ABHD2: variants seen among roughly 807,000 people sequenced by gnomAD.
ABHD2 encodes the protein monoacylglycerol lipase ABHD2.
A neutral mutation model predicts 48.1 loss-of-function variants in ABHD2; 20 were observed. The observed-to-expected ratio is 0.42, with a 90% CI of 0.29 to 0.60. The LOEUF (loss-of-function observed/expected upper bound fraction) is 0.60, where lower values mean the gene tolerates loss of function less well. Ranked by LOEUF, ABHD2 falls within the 20% of genes least tolerant of loss-of-function variation. ABHD2 has a pLI of 0.24. For missense variants in ABHD2, 405 were observed against 550.9 expected (o/e 0.74, Z 2.65); for synonymous variants, 209 against 214.2 (o/e 0.98, Z 0.21).
Position 89,185,611 on chromosome 15 carries a change from GAAA to G in ABHD2, c.815+104_815+106del. On this transcript the variant is annotated intron_variant, in intron 7 of 10. Transcript: ENST00000352732. The surrounding 1 kb of genome is among the most constrained non-coding windows in gnomAD (Gnocchi z 5.9). ...AGCCAGGACTCCTGTTCCTTCAGGG[GAAA>G]AAAAAAAATGCAGGTGTGGTACAGA... 2.4e-6 allele frequency: 2 copies of G among 842,178 alleles called. No individual in the cohort carries two copies. 52.2% of individuals were successfully genotyped at this position (842,178 alleles called of 1,614,324 possible). A position where few individuals can be genotyped will look rare whatever the true frequency, so the allele number is the denominator to read the frequency against.
At position 89,177,317 on chromosome 15, in the gene ABHD2, C is replaced by A. The variant is rs1321278412; in HGVS notation, c.722+1322C>A. On this transcript the variant is annotated intron_variant, in intron 6 of 10. Transcript: ENST00000352732. This position sits in a 1 kb window ranked among gnomAD's most constrained non-coding sequence, Gnocchi z 5.6. ...TGTTCATTTTCATTATCGTCATCAT[C>A]GTCATTCACTGTAAAATGAAGGAGG... is the stretch of plus-strand genomic sequence containing the variant. 1.3e-5 allele frequency among the ~76,000 whole-genome samples: 2 copies of A among 152,148 alleles called. No homozygotes were observed. The highest frequency in any genetic ancestry group is 4.8e-5 in the African/African-American group (2 of 41,438).
intron 1 of ABHD2, among the ~76,000 whole-genome samples, chr15:89,096,126 C>G (rs1056882931): frequency 6.6e-6 from 1 of 152,192 alleles, no homozygotes; most frequent in African/African-American, 2.4e-5. Flanking sequence ...CTGTACCTGT[C>G]AGTGTAGGCT....
At position 89,179,185 on chromosome 15, in the gene ABHD2, G is replaced by C. The variant is rs577376727; in HGVS notation, c.722+3190G>C. 6.6e-6 allele frequency among the ~76,000 whole-genome samples: 1 copy of C among 152,346 alleles called. No homozygotes were observed. Among genetic ancestry groups the C allele is most frequent in the African/African-American group, 2.4e-5 (1 of 41,590 alleles). ...GAAGGAGGTGAGGGTGAGGAGGACA[G>C]TAGCACAGGGCCCAGGCCAGGGGCA... On this transcript the variant is annotated intron_variant, in intron 6 of 10. Transcript: ENST00000352732. The surrounding 1 kb of genome is among the most constrained non-coding windows in gnomAD (Gnocchi z 4.3).
chr15:89,157,316 A>C (rs2050690373), intron 5 of ABHD2, among the ~76,000 whole-genome samples: 2 of 152,224 alleles, frequency 1.3e-5, no homozygotes, highest in Non-Finnish European at 1.5e-5. Flanking sequence ...ATTGACCTCC[A>C]GCAAGGTCAT....
chr15:89,192,253 C>T (rs76212371), intron 9 of ABHD2, among the ~76,000 whole-genome samples: 2 of 152,132 alleles, frequency 1.3e-5, no homozygotes, highest in African/African-American at 4.8e-5. Flanking sequence ...TTTTTGATGT[C>T]GTCATTTAAG....
chr15:89,160,132 T>C (rs1037685045), intron 5 of ABHD2, among the ~76,000 whole-genome samples: 2 of 152,174 alleles, frequency 1.3e-5, no homozygotes, highest in South Asian at 4.1e-4. Flanking sequence ...TAAAATAAAG[T>C]TTTTAATAAA....
the ABHD2 span, among the ~76,000 whole-genome samples, chr15:89,067,515 T>C: frequency 6.6e-6 from 1 of 152,182 alleles, no homozygotes; most frequent in African/African-American, 2.4e-5. Flanking sequence ...TTTTATGCCC[T>C]GGGCTTAGAT....
chr15:89,077,245 A>G, the ABHD2 span, among the ~76,000 whole-genome samples: 1 of 152,212 alleles, frequency 6.6e-6, no homozygotes, highest in African/African-American at 2.4e-5. Context: ...ATAAAATCAT[A>G]GCATACATTT....
the ABHD2 span, among the ~76,000 whole-genome samples, chr15:89,077,206 T>C: frequency 1.3e-5 from 2 of 152,192 alleles, no homozygotes; most frequent in African/African-American, 4.8e-5. Flanking sequence ...ACCACAGCCA[T>C]GTGTTACCTC....
At position 89,195,095 on chromosome 15, in the gene ABHD2, G is replaced by T. The variant is rs140732122; in HGVS notation, c.1082-132G>T. On this transcript the variant is annotated intron_variant, in intron 10 of 10. Transcript: ENST00000352732. The surrounding 1 kb of genome is among the most constrained non-coding windows in gnomAD (Gnocchi z 5.1). ...CCCTCTTTGGTGAACAAGGCAGAGT[G>T]AGTAGAGGTTGGATGCCCACTTAGG... The T allele has an allele frequency of 2.7e-5, 25 of 940,118 alleles. No homozygotes were observed. In the African/African-American group the frequency reaches 3.0e-4, roughly 11 times the overall value. The allele number at this position is 940,118 out of a possible 1,614,324, so 58.2% of individuals were successfully genotyped here.
chr15:89,060,085 T>A, the ABHD2 span, among the ~76,000 whole-genome samples: 11 of 16,518 alleles, frequency 6.7e-4, no homozygotes, highest in Non-Finnish European at 1.3e-3. Context: ...TCCAAGGCCT[T>A]TTTTTTTTTT....
In ABHD2 at chr15:89,189,121, C is replaced by T. The variant is rs2051262352; in HGVS notation, c.926+818C>T. Among the ~76,000 whole-genome samples the T allele has an allele frequency of 1.1e-4, 16 of 152,118 alleles. No homozygotes were observed. Among genetic ancestry groups the T allele is most frequent in the Admixed American group, 1.0e-3 (16 of 15,274 alleles). ...CCAGTAGTTTCTGATTGAGGTTAGC[C>T]TCAGCTGAAAAAGGAAAAGTTGACC... On this transcript the variant is annotated intron_variant, in intron 8 of 10. Transcript: ENST00000352732. This position sits in a 1 kb window ranked among gnomAD's most constrained non-coding sequence, Gnocchi z 4.9.
At chr15:89,192,597 A>C (rs923613637) in intron 9 of ABHD2, among the ~76,000 whole-genome samples, 1 of 151,968 alleles carries the variant, frequency 6.6e-6, no homozygotes, top group African/African-American at 2.4e-5. Context: ...ACAGCTCTGA[A>C]ATCCTGGCCT....
intron 5 of ABHD2, among the ~76,000 whole-genome samples, chr15:89,163,011 G>A (rs1321112649): frequency 6.6e-6 from 1 of 152,138 alleles, no homozygotes; most frequent in Non-Finnish European, 1.5e-5. Flanking sequence ...CCAAACCATT[G>A]TGCCCTATAT....
the ABHD2 span, among the ~76,000 whole-genome samples, chr15:89,074,189 C>G: frequency 6.6e-6 from 1 of 152,134 alleles, no homozygotes; most frequent in African/African-American, 2.4e-5. Context: ...GCCTGACCAA[C>G]ATGGGGAAAC....
the ABHD2 span, among the ~76,000 whole-genome samples, chr15:89,078,479 G>A: frequency 6.6e-6 from 1 of 152,148 alleles, no homozygotes; most frequent in Non-Finnish European, 1.5e-5. Context: ...TGGATATTTG[G>A]ACTGTTTACA....
chr15:89,080,762 T>C, the ABHD2 span, among the ~76,000 whole-genome samples: 1 of 147,864 alleles, frequency 6.8e-6, no homozygotes. Flanking sequence ...TGGCCCAATC[T>C]CAACTCATTG....
chr15:89,070,466 G>C, the ABHD2 span, among the ~76,000 whole-genome samples: 1 of 152,180 alleles, frequency 6.6e-6, no homozygotes, highest in Admixed American at 6.5e-5. Context: ...TCTCATGGTA[G>C]TTCCTACATT....
chr15:89,074,577 G>A, the ABHD2 span, among the ~76,000 whole-genome samples: 2 of 152,160 alleles, frequency 1.3e-5, no homozygotes, highest in Non-Finnish European at 2.9e-5. Flanking sequence ...GAAGACTGAG[G>A]ATTAAGTGTA....
Sources: gnomAD v4.1 joint callset for allele counts (sites outside exome capture counted in the v4.1 genomes callset) on GRCh38, gnomAD v4.1.1 for gene constraint, Gnocchi (gnomAD v3.1) non-coding constraint, MANE v1.5 for transcripts, NCBI Gene and HGNC (gene_info 2026-07-23, HGNC 2026-07-21) for gene names.